Variants in PRKAR2A observed in about 807,000 individuals in gnomAD.
The protein encoded by PRKAR2A is protein kinase cAMP-dependent type II regulatory subunit alpha.
PRKAR2A carries 29 observed loss-of-function variants against 51.9 expected under a neutral mutation model. The ratio of observed to expected loss-of-function variants is 0.56; its 90% CI spans 0.42 to 0.76. The LOEUF is 0.76. PRKAR2A is among the 30% of genes least tolerant of loss of function. The pLI, the probability that PRKAR2A is intolerant of heterozygous loss-of-function variation, is 0.00. For synonymous variants in PRKAR2A, 178 were observed against 186.2 expected, an observed-to-expected ratio of 0.96 and a Z score of 0.36; for missense variants, 445 against 512.1, an observed-to-expected ratio of 0.87 and a Z score of 1.26.
chr3:48,781,310 G>C (rs972043586), intron 5 of PRKAR2A, among the ~76,000 whole-genome samples: 2 of 150,920 alleles, frequency 1.3e-5, no homozygotes, highest in African/African-American at 2.4e-5. Context: ...ATAAAGCAAA[G>C]GGAGTAGAAC....
Position 48,795,864 on chromosome 3 carries a change from G to C in PRKAR2A, c.299-1815C>G, listed in dbSNP as rs183284787. Among the ~76,000 whole-genome samples the C allele has an allele frequency of 2.6e-5, 4 of 152,302 alleles. No homozygotes were observed. In the East Asian group the frequency reaches 5.8e-4, roughly 22 times the overall value. On this transcript the variant is annotated intron_variant, in intron 2 of 10. Transcript: ENST00000265563. ...ATTCCAAAACTCTATGTGTATTACT[G>C]TAGGGAGTAAATAAACGAACACACA...
intron 1 of PRKAR2A, among the ~76,000 whole-genome samples, chr3:48,827,568 G>C (rs2083089761): frequency 6.6e-6 from 1 of 152,054 alleles, no homozygotes; most frequent in African/African-American, 2.4e-5. Context: ...AACACACCTA[G>C]AATATATGGT....
At position 48,746,959 on chromosome 3, in the gene PRKAR2A, CA is replaced by C. The variant is rs2081569035; in HGVS notation, c.*4625del. On this transcript the variant is annotated 3_prime_UTR_variant, in exon 11 of 11. Coordinates refer to ENST00000265563, the MANE Select transcript of PRKAR2A (RefSeq NM_004157.4). ...TTTTATTACAGTGAGCTTAAAAAAA[CA>C]ACACGGAATCTACCCTTTGCTCAAG... 1 of 147,740 alleles carries C rather than the reference CA, an allele frequency of 6.8e-6. No individual in the cohort carries two copies. Among genetic ancestry groups the C allele is most frequent in the Non-Finnish European group, 1.5e-5 (1 of 67,016 alleles). 9.2% of individuals were successfully genotyped at this position (147,740 alleles called of 1,614,324 possible). A position where few individuals can be genotyped will look rare whatever the true frequency, so the allele number is the denominator to read the frequency against.
At chr3:48,765,493 T>G in intron 6 of PRKAR2A, 144 bp from the exon 7 acceptor site, 1 of 643,334 alleles carries the variant, frequency 1.6e-6, no homozygotes, top group South Asian at 2.1e-5. Flanking sequence ...TCTTGAGTCA[T>G]CACTGGAAGT....
At chr3:48,752,915 C>CATTT (rs2081678285) in intron 9 of PRKAR2A, among the ~76,000 whole-genome samples, 1 of 130,902 alleles carries the variant, frequency 7.6e-6, no homozygotes, top group African/African-American at 2.9e-5. Context: ...GTTCCCTCCT[C>CATTT]CTTTTTTTTT....
chr3:48,826,866 T>C (rs551487198), intron 1 of PRKAR2A, among the ~76,000 whole-genome samples: 2 of 150,246 alleles, frequency 1.3e-5, no homozygotes, highest in Non-Finnish European at 3.0e-5. Flanking sequence ...TCCAGGTGAA[T>C]AGGGTTGTAA....
chr3:48,844,434 C>G (rs1329523699), intron 1 of PRKAR2A, among the ~76,000 whole-genome samples: 1 of 150,090 alleles, frequency 6.7e-6, no homozygotes, highest in Non-Finnish European at 1.5e-5. Flanking sequence ...TGTGGCGATT[C>G]CTCAGGGATC....
intron 2 of PRKAR2A, among the ~76,000 whole-genome samples, chr3:48,800,245 T>C (rs2082565012): frequency 6.6e-6 from 1 of 150,864 alleles, no homozygotes; most frequent in Non-Finnish European, 1.5e-5. Context: ...CTGGGCACAG[T>C]GGCCCACATC....
At chr3:48,823,150 C>T (rs1450247564) in intron 1 of PRKAR2A, among the ~76,000 whole-genome samples, 1 of 151,954 alleles carries the variant, frequency 6.6e-6, no homozygotes, top group East Asian at 1.9e-4. Context: ...AAAGCAATCG[C>T]CCGCCTCAGC....
At chr3:48,797,971 AG>A in intron 2 of PRKAR2A, among the ~76,000 whole-genome samples, 1 of 151,988 alleles carries the variant, frequency 6.6e-6, no homozygotes, top group Non-Finnish European at 1.5e-5. Flanking sequence ...TTCTTTTTTG[AG>A]ACACAGTTTT....
chr3:48,833,254 G>T (rs926513783), intron 1 of PRKAR2A, among the ~76,000 whole-genome samples: 3 of 151,976 alleles, frequency 2.0e-5, no homozygotes, highest in Non-Finnish European at 4.4e-5. Flanking sequence ...TGCCCAGGCT[G>T]GTCTTGAACT....
intron 5 of PRKAR2A, among the ~76,000 whole-genome samples, chr3:48,775,103 T>C (rs1024352824): frequency 3.3e-5 from 5 of 152,104 alleles, no homozygotes; most frequent in Non-Finnish European, 5.9e-5. Context: ...GGTATTGATA[T>C]GAATGCATGG....
intron 8 of PRKAR2A, 77 bp from the exon 9 acceptor site, chr3:48,756,521 G>T: frequency 9.8e-7 from 1 of 1,020,316 alleles, no homozygotes; most frequent in Non-Finnish European, 1.5e-6. Context: ...CTTTTTCACT[G>T]CTTAAGCTCT....
intron 1 of PRKAR2A, among the ~76,000 whole-genome samples, chr3:48,819,321 C>G (rs936292591): frequency 3.3e-5 from 5 of 152,166 alleles, no homozygotes; most frequent in African/African-American, 1.2e-4. Flanking sequence ...CACCCTCAAA[C>G]ATTTTTTGTT....
chr3:48,798,660 T>C (rs1408287368), intron 2 of PRKAR2A, among the ~76,000 whole-genome samples: 1 of 148,236 alleles, frequency 6.7e-6, no homozygotes, highest in African/African-American at 2.6e-5. Context: ...ATCTTCCTTT[T>C]TAATTTTTTT....
At chr3:48,756,500 G>T (rs1395014378) in intron 8 of PRKAR2A, 56 bp from the exon 9 acceptor site, 10 of 1,305,744 alleles carry the variant, frequency 7.7e-6, no homozygotes, top group Non-Finnish European at 8.8e-6. Context: ...GGGGAATAAA[G>T]AAATAGATTG....
Position 48,752,155 on chromosome 3 carries a change from T to C in PRKAR2A, c.1081+21A>G. The C allele has an allele frequency of 1.9e-6, 3 of 1,595,952 alleles. No individual in the cohort carries two copies. The South Asian group carries it at 3.4e-5, about 18-fold the overall frequency. ...TTACATGTTAGAAAAAGAATATTAATGCATAAAGAACTTTTCTTACCTAAG... is the reference window on the plus strand; with the variant it reads ...TTACATGTTAGAAAAAGAATATTAACGCATAAAGAACTTTTCTTACCTAAG... On this transcript the variant is annotated intron_variant, in intron 10 of 10. Coordinates refer to ENST00000265563, the MANE Select transcript of PRKAR2A (RefSeq NM_004157.4).
Position 48,829,272 on chromosome 3 carries a change from G to A in PRKAR2A, c.262+18063C>T, listed in dbSNP as rs71615479. On this transcript the variant is annotated intron_variant, in intron 1 of 10. Coordinates refer to ENST00000265563, the MANE Select transcript of PRKAR2A (RefSeq NM_004157.4). ...AGAGGCTCACGCCTGTAATCCCAGC[G>A]CTTTGGGAGGCCCAGGTGGGCAGAT... Among the ~76,000 whole-genome samples the A allele has an allele frequency of 1.7e-3, 260 of 151,302 alleles. 1 individual carries two copies. The highest frequency in any genetic ancestry group is 3.8e-3 in the East Asian group (19 of 5,012).
At position 48,847,400 on chromosome 3, in the gene PRKAR2A, G is replaced by C; in HGVS notation, c.197C>G (p.Pro66Arg). The C allele has an allele frequency of 6.2e-7, 1 of 1,607,656 alleles. No individual in the cohort carries two copies. The highest frequency in any genetic ancestry group is 1.7e-5 in the Admixed American group (1 of 59,198). ...GGCGTCGGCGACACGGTCCGGGCCG[G>C]GTTCTGGCGGGGGGTGGCCCAGGCT... ...RQSLGHPPPE[P>R]GPDRVADAKG... The change falls in exon 1 of 11, where the codon CCC (proline) becomes CGC (arginine). Residue 66 changes from proline to arginine, a missense_variant. By Grantham distance (103) the Pro-to-Arg change is moderately radical. Transcript: ENST00000265563. This position sits in a 1 kb window ranked among gnomAD's most constrained non-coding sequence, Gnocchi z 4.4.
Sources: allele counts gnomAD v4.1 joint callset (sites outside exome capture counted in the v4.1 genomes callset), GRCh38; gene constraint gnomAD v4.1.1; non-coding constraint Gnocchi (gnomAD v3.1); transcripts MANE v1.5; gene names NCBI Gene and HGNC (gene_info 2026-07-23, HGNC 2026-07-21).